The following PREX1 variants were observed in gnomAD, a reference collection of about 807,000 sequenced individuals.
PREX1 encodes the protein phosphatidylinositol-3,4,5-trisphosphate dependent Rac exchange factor 1.
A neutral mutation model predicts 198.3 loss-of-function variants in PREX1; 41 were observed. The ratio of observed to expected loss-of-function variants is 0.21; its 90% CI spans 0.16 to 0.27. The LOEUF (loss-of-function observed/expected upper bound fraction) is 0.27. Ranked by LOEUF, PREX1 falls within the 10% of genes least tolerant of loss-of-function variation. The probability of loss-of-function intolerance (pLI) is 1.00; values close to 1 mark genes in which losing one functional copy is unlikely to be tolerated. For missense variants in PREX1, 1,620 were observed against 2,200.7 expected (o/e 0.74, Z 5.28); for synonymous variants, 843 against 887.2 (o/e 0.95, Z 0.89).
At chr20:48,753,892 G>A (rs933021079) in intron 1 of PREX1, among the ~76,000 whole-genome samples, 18 of 152,178 alleles carry the variant, frequency 1.2e-4, no homozygotes, top group African/African-American at 3.1e-4. Flanking sequence ...CTTCACAGAC[G>A]TCTCCGCTAT....
chr20:48,815,464 A>G (rs1395775049), intron 1 of PREX1, among the ~76,000 whole-genome samples: 1 of 152,214 alleles, frequency 6.6e-6, no homozygotes, highest in Non-Finnish European at 1.5e-5. Context: ...TCACTAAACA[A>G]TGAGTTATCT....
chr20:48,637,648 G>A (rs931394916), intron 31 of PREX1, 63 bp downstream of exon 31: 10 of 1,460,268 alleles, frequency 6.8e-6, no homozygotes, highest in Admixed American at 6.6e-5. Context: ...GGGCATGGAT[G>A]GTCGGCCTTG....
chr20:48,888,141 G>C, the PREX1 span, among the ~76,000 whole-genome samples: 10 of 152,064 alleles, frequency 6.6e-5, no homozygotes, highest in Non-Finnish European at 1.3e-4. Flanking sequence ...CATTGTGCAG[G>C]GCGAAAAGCA....
intron 33 of PREX1, among the ~76,000 whole-genome samples, chr20:48,634,168 A>ATGGACAGATGGATGAT (rs1555829159): frequency 1.9e-5 from 2 of 107,800 alleles, no homozygotes; most frequent in Admixed American, 1.0e-4. Context: ...GGATGGATGG[A>ATGGACAGATGGATGAT]TGGATGCATG....
the PREX1 span, among the ~76,000 whole-genome samples, chr20:48,884,619 T>A: frequency 6.6e-6 from 1 of 152,218 alleles, no homozygotes; most frequent in Non-Finnish European, 1.5e-5. Flanking sequence ...CCTTGTTACA[T>A]ATGATGTCAA....
rs530472347 is a variant in PREX1 at position 48,664,156 on chromosome 20, C to T, written c.1738+2127G>A. Among the ~76,000 whole-genome samples, 8 of 152,274 alleles carry T rather than the reference C, an allele frequency of 5.3e-5. No individual in the cohort carries two copies. The South Asian group carries it at 8.3e-4, about 16-fold the overall frequency. On this transcript the variant is annotated intron_variant, in intron 15 of 39. Coordinates refer to ENST00000371941, the MANE Select transcript of PREX1 (RefSeq NM_020820.4). ...TTGGGAAGCCAAGGCGGGCAGATCA[C>T]GAGGTCAGGAGATCAAGACCATCCT...
rs959946922 is a variant in PREX1, at chr20:48,626,072, G to A, written c.4938-145C>T. The A allele has an allele frequency of 1.2e-5, 11 of 901,024 alleles. No individual in the cohort carries two copies. In the African/African-American group the frequency reaches 1.6e-4, roughly 13 times the overall value. 55.8% of individuals were successfully genotyped at this position (901,024 alleles called of 1,614,324 possible). On this transcript the variant is annotated intron_variant, in intron 39 of 39. Transcript: ENST00000371941. ...AAAAGATGCAGAGAAAAATATCTAT[G>A]CTGTCCATGCCTTCTGCTGACTGCC...
the PREX1 span, among the ~76,000 whole-genome samples, chr20:48,878,112 C>T: frequency 1.3e-5 from 2 of 151,826 alleles, no homozygotes; most frequent in African/African-American, 4.8e-5. Flanking sequence ...CTGTCTCACA[C>T]ACAAAAAAAG....
Position 48,726,312 on chromosome 20 carries a change from C to G in PREX1, c.599G>C (p.Cys200Ser). The part of the protein sequence containing the change: ...GYLLSPIQRI[C>S]KYPLLLKELA... ...CACCTTAAGGAGGAGCGGGTACTTG[C>G]AGATCCTCTGGATCGGAGACAACAG... Residue 200 changes from cysteine to serine, a missense_variant, in exon 5 of 40, where the codon TGC (cysteine) becomes TCC (serine). Cys to Ser is a moderately radical substitution (Grantham distance 112, BLOSUM62 -1). Around this residue, in one of 7 missense-constraint regions of PREX1, gnomAD observed 488 missense variants for 802.5 expected, o/e 0.61. Coordinates refer to ENST00000371941, the MANE Select transcript of PREX1 (RefSeq NM_020820.4). 1 of 1,613,832 alleles carries G rather than the reference C, an allele frequency of 6.2e-7. No homozygotes were observed. The highest frequency in any genetic ancestry group is 8.5e-7 in the Non-Finnish European group (1 of 1,179,918).
chr20:48,735,680 C>T (rs1281033310), intron 3 of PREX1, among the ~76,000 whole-genome samples: 1 of 151,990 alleles, frequency 6.6e-6, no homozygotes, highest in Non-Finnish European at 1.5e-5. Flanking sequence ...TGGGGGTGAA[C>T]TCACTCATTC....
At chr20:48,792,673 G>A (rs1042406831) in intron 1 of PREX1, among the ~76,000 whole-genome samples, 4 of 151,862 alleles carry the variant, frequency 2.6e-5, no homozygotes, top group African/African-American at 9.7e-5. Context: ...TAGCCAAACT[G>A]TCAAAACCCA....
intron 1 of PREX1, among the ~76,000 whole-genome samples, chr20:48,766,997 T>C (rs931716669): frequency 2.0e-5 from 3 of 152,126 alleles, no homozygotes. Context: ...TGGGCCTCAG[T>C]TTCCCCATCT....
intron 5 of PREX1, among the ~76,000 whole-genome samples, chr20:48,723,142 G>A (rs919199855): frequency 1.3e-5 from 2 of 152,210 alleles, no homozygotes; most frequent in African/African-American, 4.8e-5. Context: ...TTCCCAAAAA[G>A]GCTTTCATTC....
At position 48,639,902 on chromosome 20, in the gene PREX1, A is replaced by C; in HGVS notation, c.3776-8T>G. On this transcript the variant is annotated splice_region_variant and splice_polypyrimidine_tract_variant and intron_variant, in intron 29 of 39. Transcript: ENST00000371941. Reference sequence around the variant, plus strand: ...CTTCTTTCTGTTTAAACTCTGGGGCAGGAAAGTGGCATGAGGGCCAGGGAA... The same window carrying C: ...CTTCTTTCTGTTTAAACTCTGGGGCCGGAAAGTGGCATGAGGGCCAGGGAA... 6.2e-7 allele frequency: 1 copy of C among 1,613,772 alleles called. No individual in the cohort carries two copies. The highest frequency in any genetic ancestry group is 8.5e-7 in the Non-Finnish European group (1 of 1,179,764).
intron 1 of PREX1, among the ~76,000 whole-genome samples, chr20:48,757,653 C>A (rs569004596): frequency 1.7e-4 from 26 of 152,232 alleles, no homozygotes; most frequent in Middle Eastern, 3.4e-3. Flanking sequence ...ACGGTGGGAG[C>A]CCCCGGCCCC....
the PREX1 span, among the ~76,000 whole-genome samples, chr20:48,853,174 A>C: frequency 6.6e-6 from 1 of 152,226 alleles, no homozygotes; most frequent in African/African-American, 2.4e-5. Context: ...AATTATACAT[A>C]AATAGAAAGA....
intron 1 of PREX1, among the ~76,000 whole-genome samples, chr20:48,778,293 G>A (rs2090272427): frequency 6.6e-6 from 1 of 152,114 alleles, no homozygotes; most frequent in South Asian, 2.1e-4. Context: ...AATTATTATG[G>A]CCAGGCACAG....
intron 1 of PREX1, among the ~76,000 whole-genome samples, chr20:48,794,843 A>C (rs1190114687): frequency 6.6e-6 from 1 of 152,146 alleles, no homozygotes; most frequent in Non-Finnish European, 1.5e-5. Flanking sequence ...TCCTATGGGG[A>C]AGCTGTTTTA....
intron 6 of PREX1, among the ~76,000 whole-genome samples, chr20:48,703,289 G>C (rs1019762723): frequency 6.6e-6 from 1 of 152,230 alleles, no homozygotes; most frequent in Non-Finnish European, 1.5e-5. Flanking sequence ...CCTTGTGGTC[G>C]AGAGCTGTGC....
Sources: allele counts gnomAD v4.1 joint callset (sites outside exome capture counted in the v4.1 genomes callset), GRCh38; gene constraint gnomAD v4.1.1; regional missense constraint gnomAD v4.1.1; transcripts MANE v1.5; gene names NCBI Gene and HGNC (gene_info 2026-07-23, HGNC 2026-07-21).